HDAC9: variants seen among roughly 807,000 people sequenced by gnomAD.
The protein encoded by HDAC9 is histone deacetylase 9, also known as MEF-2 interacting transcription repressor (MITR) protein.
A neutral mutation model predicts 139.4 loss-of-function variants in HDAC9; 41 were observed. That is an observed-to-expected ratio of 0.29 (90% CI 0.23 to 0.38). HDAC9 has a LOEUF of 0.38. Among genes scored for constraint, HDAC9 ranks in the 10% least tolerant of loss-of-function variants. The pLI is 1.00. For synonymous variants in HDAC9, 517 were observed against 476.2 expected (o/e 1.09, Z -1.12); for missense variants, 1,147 against 1,297.0 (o/e 0.88, Z 1.78).
intron 19 of HDAC9, 60 bp from the exon 20 acceptor site, chr7:18,835,407 G>T (rs753487674): frequency 1.3e-6 from 2 of 1,526,152 alleles, no homozygotes; most frequent in South Asian, 2.5e-5. Context: ...AATCAGAAAG[G>T]TTGTCTCCAC....
intron 13 of HDAC9, among the ~76,000 whole-genome samples, chr7:18,739,752 A>T (rs192332598): frequency 6.6e-6 from 1 of 152,224 alleles, no homozygotes; most frequent in African/African-American, 2.4e-5. Context: ...CAGTCTGTCC[A>T]TTCTCAGAGC....
rs1205221434 is a variant in HDAC9, at chr7:18,330,895, T to C, written c.-42+40380T>C. 7.9e-5 allele frequency among the ~76,000 whole-genome samples: 12 copies of C among 151,722 alleles called. 1 individual carries two copies. The highest frequency in any genetic ancestry group is 7.2e-4 in the Admixed American group (11 of 15,176). On this transcript the variant is annotated intron_variant, in intron 1 of 3. Coordinates refer to the HDAC9 transcript ENST00000413509. ...AAATGGCAGAACAGTAAGTTTAGCA[T>C]TGTGGCATCCTGGTTTTACTAACAC...
intron 1 of HDAC9, among the ~76,000 whole-genome samples, chr7:18,417,947 A>G: frequency 6.6e-6 from 1 of 152,146 alleles, no homozygotes; most frequent in South Asian, 2.1e-4. Context: ...ATTGTCCCTG[A>G]AATCTCAGCT....
chr7:18,747,688 G>A (rs1226665714), intron 13 of HDAC9, among the ~76,000 whole-genome samples: 1 of 152,084 alleles, frequency 6.6e-6, no homozygotes, highest in Non-Finnish European at 1.5e-5. Flanking sequence ...GAGAATCAGG[G>A]GAAGAAGGAT....
chr7:18,949,136 T>C (rs1334093995), intron 23 of HDAC9: 7 of 292,018 alleles, frequency 2.4e-5, no homozygotes, highest in East Asian at 9.4e-5. Flanking sequence ...TTGATGTTGA[T>C]GGTTTTGAGT....
chr7:18,536,256 A>G (rs1434516614), intron 2 of HDAC9, among the ~76,000 whole-genome samples: 1 of 152,176 alleles, frequency 6.6e-6, no homozygotes, highest in African/African-American at 2.4e-5. Flanking sequence ...ATGAAGCTCC[A>G]GTTGTCACTG....
chr7:18,794,954 C>A (rs1420822206), intron 17 of HDAC9, among the ~76,000 whole-genome samples: 2 of 152,092 alleles, frequency 1.3e-5, no homozygotes, highest in Non-Finnish European at 2.9e-5. Context: ...AATTCAGAAA[C>A]CTTCTCAAGT....
chr7:18,878,214 G>A (rs1799466638), intron 22 of HDAC9, among the ~76,000 whole-genome samples: 1 of 151,932 alleles, frequency 6.6e-6, no homozygotes, highest in Non-Finnish European at 1.5e-5. Context: ...AGCTTCTTTG[G>A]TTTAAATTCG....
At chr7:18,281,011 A>T (rs1427569867) in intron 2 of HDAC9, among the ~76,000 whole-genome samples, 1 of 152,230 alleles carries the variant, frequency 6.6e-6, no homozygotes, top group African/African-American at 2.4e-5. Context: ...GATAGTATCC[A>T]TTCCAGGCCT....
At chr7:18,890,470 G>C (rs1800582939) in intron 22 of HDAC9, among the ~76,000 whole-genome samples, 2 of 152,182 alleles carry the variant, frequency 1.3e-5, no homozygotes. Flanking sequence ...AGACATCTAT[G>C]TAACAAGGAG....
chr7:18,388,381 T>C (rs2045009028), intron 1 of HDAC9, among the ~76,000 whole-genome samples: 1 of 152,170 alleles, frequency 6.6e-6, no homozygotes, highest in South Asian at 2.1e-4. Flanking sequence ...ATCCCTTCCA[T>C]GTAAGTCTGA....
intron 1 of HDAC9, among the ~76,000 whole-genome samples, chr7:18,134,527 A>G (rs1448191997): frequency 6.6e-6 from 1 of 152,164 alleles, no homozygotes; most frequent in Non-Finnish European, 1.5e-5. Context: ...TAGTAACTTC[A>G]TATGAATTTT....
chr7:18,620,785 A>G (rs1840007513), intron 6 of HDAC9, among the ~76,000 whole-genome samples: 1 of 151,430 alleles, frequency 6.6e-6, no homozygotes, highest in Non-Finnish European at 1.5e-5. Flanking sequence ...TTCCCATCCT[A>G]CTCTGCGATG....
chr7:18,454,425 T>A (rs551640129), intron 1 of HDAC9, among the ~76,000 whole-genome samples: 1 of 152,172 alleles, frequency 6.6e-6, no homozygotes, highest in Admixed American at 6.5e-5. Context: ...TGTCTTCACT[T>A]CCTATGTAAG....
At chr7:18,989,815 T>G (rs1033475518) in intron 25 of HDAC9, among the ~76,000 whole-genome samples, 2 of 128,818 alleles carry the variant, frequency 1.6e-5, no homozygotes, top group African/African-American at 6.0e-5. Context: ...CATCTTCCAT[T>G]GCTGATACCC....
chr7:18,659,662 C>A (rs2269752), intron 11 of HDAC9, among the ~76,000 whole-genome samples: 29,096 of 152,016 alleles, frequency 0.19, 4,394 homozygotes, highest in African/African-American at 0.4. Flanking sequence ...TATGAGCACA[C>A]ACAAAAGGCA....
rs183385067 is a variant in HDAC9 at position 18,306,609 on chromosome 7, G to T, written c.-42+16094G>T. 7.9e-5 allele frequency among the ~76,000 whole-genome samples: 12 copies of T among 152,232 alleles called. No individual in the cohort carries two copies. In the East Asian group the frequency reaches 2.1e-3, roughly 27 times the overall value. On this transcript the variant is annotated intron_variant, in intron 1 of 3. Coordinates refer to the HDAC9 transcript ENST00000413509. ...ACATACTTTTGGTCTCTCTCCAAGT[G>T]GTGCTATTCGTGCTGCTGGTAATTA...
Position 18,993,759 on chromosome 7 carries a change from T to C in HDAC9, c.3171-2264T>C, listed in dbSNP as rs980441610. ...TTGAGGCTGCAGTTAGCTGTGACTA[T>C]GCCACTGCACTCCAGCCTGGGCAAC... On this transcript the variant is annotated intron_variant, in intron 25 of 25. Coordinates refer to ENST00000686413, the MANE Select transcript of HDAC9 (RefSeq NM_178425.4). Among the ~76,000 whole-genome samples, 47 of 152,078 alleles carry C rather than the reference T, an allele frequency of 3.1e-4. 1 individual carries two copies. The highest frequency in any genetic ancestry group is 1.1e-3 in the African/African-American group (44 of 41,480).
In HDAC9 at chr7:18,644,938, T is replaced by C. The variant is rs1272089668; in HGVS notation, c.1035+145T>C. On this transcript the variant is annotated intron_variant, in intron 9 of 25. Transcript: ENST00000686413. ...TCACTGTTTGCTATTTGCTGTGTTGTTCAAAGACATTCAGTCTAATTTCAA... is the reference window on the plus strand; with the variant it reads ...TCACTGTTTGCTATTTGCTGTGTTGCTCAAAGACATTCAGTCTAATTTCAA... 6 of 691,226 alleles carry C rather than the reference T, an allele frequency of 8.7e-6. No individual in the cohort carries two copies. In the Admixed American group the frequency reaches 1.5e-4, roughly 17 times the overall value. The allele number at this position is 691,226 out of a possible 1,614,324, so 42.8% of individuals were successfully genotyped here. A position where few individuals can be genotyped will look rare whatever the true frequency, so the allele number is the denominator to read the frequency against.
Sources: gnomAD v4.1 joint callset for allele counts (sites outside exome capture counted in the v4.1 genomes callset) on GRCh38, gnomAD v4.1.1 for gene constraint, MANE v1.5 for transcripts, NCBI Gene and HGNC (gene_info 2026-07-23, HGNC 2026-07-21) for gene names.